Variants in NTM observed in about 807,000 individuals in gnomAD.
NTM encodes IgLON family member 2.
NTM carries 13 observed loss-of-function variants against 42.1 expected under a neutral mutation model. The observed-to-expected ratio is 0.31, with a 90% CI of 0.20 to 0.49. The LOEUF (loss-of-function observed/expected upper bound fraction) is 0.49. NTM is among the 20% of genes least tolerant of loss of function. The pLI is 0.99. For synonymous variants in NTM, 187 were observed against 179.2 expected, an observed-to-expected ratio of 1.04 and a Z score of -0.35; for missense variants, 373 against 452.8, an observed-to-expected ratio of 0.82 and a Z score of 1.60.
intron 1 of NTM, among the ~76,000 whole-genome samples, chr11:131,390,645 C>A (rs1943886258): frequency 6.6e-6 from 1 of 152,102 alleles, no homozygotes; most frequent in Non-Finnish European, 1.5e-5. Context: ...TGGTGCAGGC[C>A]TGGGAAACAG....
intron 1 of NTM, among the ~76,000 whole-genome samples, chr11:131,393,265 C>T (rs921113529): frequency 1.3e-5 from 2 of 152,148 alleles, no homozygotes; most frequent in East Asian, 1.9e-4. Context: ...CAAAAGAAAG[C>T]CCCATGGGCC....
chr11:131,970,578 G>A (rs990829232), intron 2 of NTM, among the ~76,000 whole-genome samples: 1 of 152,170 alleles, frequency 6.6e-6, no homozygotes, highest in Non-Finnish European at 1.5e-5. Flanking sequence ...CTAGCCTCTG[G>A]GATTCAGCAA....
chr11:131,908,917 T>C (rs2137876504), intron 1 of NTM, among the ~76,000 whole-genome samples: 2 of 152,352 alleles, frequency 1.3e-5, no homozygotes, highest in South Asian at 4.1e-4. Context: ...TAATTGTTTA[T>C]TCCTGATAGT....
intron 1 of NTM, among the ~76,000 whole-genome samples, chr11:131,719,205 G>A (rs1361457615): frequency 1.3e-5 from 2 of 152,146 alleles, no homozygotes; most frequent in African/African-American, 4.8e-5. Context: ...CCCGCGCCCA[G>A]TGCTTCCAGT....
intron 2 of NTM, among the ~76,000 whole-genome samples, chr11:132,063,101 GC>G (rs540325538): frequency 6.6e-6 from 1 of 152,078 alleles, no homozygotes; most frequent in South Asian, 2.1e-4. Flanking sequence ...TCTGGTGAGG[GC>G]CCTCCTCTTG....
chr11:132,134,747 A>C lies in NTM; in HGVS notation c.168-11535A>C, dbSNP rs868004311. ...TATATATATATATATATATATATATATATATATATATATCTCACATTTTCT... is the reference window on the plus strand; with the variant it reads ...TATATATATATATATATATATATATCTATATATATATATCTCACATTTTCT... On this transcript the variant is annotated intron_variant, in intron 2 of 8. Transcript: ENST00000683400. Among the ~76,000 whole-genome samples, 539 of 89,646 alleles carry C rather than the reference A, an allele frequency of 6.0e-3. 17 individuals are homozygous for C. The highest frequency in any genetic ancestry group is 0.022 in the African/African-American group (397 of 18,248). The allele number at this position is 89,646 out of a possible 152,430, so 58.8% of individuals were successfully genotyped here. A position where few individuals can be genotyped will look rare whatever the true frequency, so the allele number is the denominator to read the frequency against.
At chr11:131,550,187 C>A (rs529458276) in intron 1 of NTM, among the ~76,000 whole-genome samples, 1 of 152,216 alleles carries the variant, frequency 6.6e-6, no homozygotes, top group Admixed American at 6.5e-5. Flanking sequence ...GAACACCTTA[C>A]GTGAAATGTG....
At chr11:131,911,265 C>T in intron 1 of NTM, 1 of 1,422,118 alleles carries the variant, frequency 7.0e-7, no homozygotes, top group East Asian at 2.5e-5. Flanking sequence ...TCCGTGGAAC[C>T]GGTTTTCCGA....
At chr11:132,090,521 G>A (rs142715868) in intron 2 of NTM, among the ~76,000 whole-genome samples, 1,544 of 152,010 alleles carry the variant, frequency 0.01, 21 homozygotes, top group African/African-American at 0.034. Context: ...CTTTGTGATC[G>A]TGCCCGCTGT....
At chr11:132,147,230 A>G (rs2070728259) in intron 3 of NTM, among the ~76,000 whole-genome samples, 1 of 151,614 alleles carries the variant, frequency 6.6e-6, no homozygotes, top group Non-Finnish European at 1.5e-5. Context: ...AGAGAGAGAG[A>G]GAGAGAGAGA....
intron 2 of NTM, among the ~76,000 whole-genome samples, chr11:132,004,361 T>C (rs1436221051): frequency 6.6e-6 from 1 of 152,210 alleles, no homozygotes; most frequent in Non-Finnish European, 1.5e-5. Flanking sequence ...AAGTAAAAAG[T>C]AGAAGCTGGT....
intron 1 of NTM, among the ~76,000 whole-genome samples, chr11:131,525,317 G>A (rs369586489): frequency 7.7e-4 from 117 of 152,252 alleles, no homozygotes; most frequent in African/African-American, 2.6e-3. Context: ...CTTATAATGC[G>A]CCGGAAATCG....
chr11:131,834,936 CAGAG>C (rs139585366), intron 1 of NTM, among the ~76,000 whole-genome samples: 10,260 of 152,040 alleles, frequency 0.067, 472 homozygotes, highest in Middle Eastern at 0.12. Context: ...CTAAAATCCT[CAGAG>C]AGAGGTCACC....
chr11:131,968,003 C>T (rs192759183), intron 2 of NTM, among the ~76,000 whole-genome samples: 6 of 152,232 alleles, frequency 3.9e-5, no homozygotes, highest in East Asian at 3.9e-4. Context: ...TTATACCAAC[C>T]GTATATAGGA....
intron 1 of NTM, chr11:131,660,440 C>T (rs147681867): frequency 1.0e-3 from 464 of 456,626 alleles, no homozygotes; most frequent in African/African-American, 6.4e-3. Context: ...TTTGAAAGAG[C>T]CCAGAAGCCA....
chr11:131,513,372 C>G (rs1466692599), intron 1 of NTM, among the ~76,000 whole-genome samples: 6 of 152,056 alleles, frequency 3.9e-5, no homozygotes, highest in East Asian at 1.9e-4. Flanking sequence ...ATAGGAGGCA[C>G]CCAAGAGGTC....
intron 3 of NTM, among the ~76,000 whole-genome samples, chr11:132,195,596 T>G (rs2080077498): frequency 6.6e-6 from 1 of 152,094 alleles, no homozygotes; most frequent in Admixed American, 6.5e-5. Flanking sequence ...ATGGTGATGT[T>G]ACAAAAACAG....
At chr11:131,937,807 A>G (rs975956888) in intron 2 of NTM, among the ~76,000 whole-genome samples, 1 of 152,170 alleles carries the variant, frequency 6.6e-6, no homozygotes, top group African/African-American at 2.4e-5. Flanking sequence ...AAAGGGCAGG[A>G]GGTATGGATT....
intron 1 of NTM, among the ~76,000 whole-genome samples, chr11:131,648,882 C>A (rs2066104141): frequency 6.6e-6 from 1 of 152,116 alleles, no homozygotes; most frequent in Non-Finnish European, 1.5e-5. Context: ...TATTCAGGAA[C>A]TACTTTTGGT....
Sources: allele counts gnomAD v4.1 joint callset (sites outside exome capture counted in the v4.1 genomes callset), GRCh38; gene constraint gnomAD v4.1.1; transcripts MANE v1.5; gene names NCBI Gene and HGNC (gene_info 2026-07-23, HGNC 2026-07-21).